The following CCDC125 variants were observed in gnomAD, a reference collection of about 807,000 sequenced individuals.
CCDC125 encodes the protein coiled-coil domain-containing protein 125.
CCDC125 carries 43 observed loss-of-function variants against 57.4 expected under a neutral mutation model. The observed-to-expected ratio is 0.75, with a 90% CI of 0.59 to 0.97. The LOEUF (loss-of-function observed/expected upper bound fraction) is 0.97, where lower values mean the gene tolerates loss of function less well. Ranked by LOEUF, CCDC125 falls within the 50% of genes least tolerant of loss-of-function variation. The pLI, the probability that CCDC125 is intolerant of heterozygous loss-of-function variation, is 0.00. For missense variants in CCDC125, 563 were observed against 595.7 expected (o/e 0.95, Z 0.57); for synonymous variants, 187 against 195.2 (o/e 0.96, Z 0.35).
At chr5:69,312,968 C>T (rs1758402037) in intron 3 of CCDC125, among the ~76,000 whole-genome samples, 1 of 152,024 alleles carries the variant, frequency 6.6e-6, no homozygotes, top group Non-Finnish European at 1.5e-5. Context: ...ATCTCCACAA[C>T]ATTCCATTTA....
At chr5:69,292,501 T>G (rs996926802) in intron 9 of CCDC125, 139 bp from the exon 10 acceptor site, 1 of 637,466 alleles carries the variant, frequency 1.6e-6, no homozygotes, top group Non-Finnish European at 2.7e-6. Flanking sequence ...TTTATCTGAT[T>G]ACGCTAATTA....
At chr5:69,297,563 G>T (rs899000122) in intron 8 of CCDC125, among the ~76,000 whole-genome samples, 2 of 151,762 alleles carry the variant, frequency 1.3e-5, no homozygotes, top group Non-Finnish European at 2.9e-5. Flanking sequence ...TCTCCGTGTT[G>T]GTCAGGCTGG....
At chr5:69,292,138 CA>C in intron 10 of CCDC125, 49 bp downstream of exon 10, 1 of 1,487,684 alleles carries the variant, frequency 6.7e-7, no homozygotes. Flanking sequence ...GGATTATAAA[CA>C]AAACAACTAA....
intron 7 of CCDC125, among the ~76,000 whole-genome samples, chr5:69,301,316 A>G (rs1014391123): frequency 3.3e-5 from 5 of 152,016 alleles, no homozygotes; most frequent in Non-Finnish European, 7.4e-5. Context: ...AATTTCTGCT[A>G]AGAAGGAAGA....
chr5:69,277,079 T>C, downstream of CCDC125: 1 of 1,576,444 alleles, frequency 6.3e-7, no homozygotes, highest in Non-Finnish European at 8.6e-7. Flanking sequence ...GAACAACTTT[T>C]TTTTTTCTTG....
At chr5:69,302,354 G>C (rs1430394436) in intron 7 of CCDC125, among the ~76,000 whole-genome samples, 1 of 135,084 alleles carries the variant, frequency 7.4e-6, no homozygotes, top group Non-Finnish European at 1.5e-5. Context: ...CTGGGAGGTG[G>C]AGGTTGCAGT....
chr5:69,328,040 GCACCTGC>G (rs1357703471), intron 1 of CCDC125, among the ~76,000 whole-genome samples: 1 of 152,084 alleles, frequency 6.6e-6, no homozygotes, highest in Non-Finnish European at 1.5e-5. Flanking sequence ...GGCATTATAG[GCACCTGC>G]CACCATGCCC....
At chr5:69,313,904 G>T in intron 3 of CCDC125, 81 bp downstream of exon 3, 1 of 1,012,334 alleles carries the variant, frequency 9.9e-7, no homozygotes, top group Non-Finnish European at 1.6e-6. Context: ...AGGGCATGGA[G>T]AGCTGCAGAA....
At position 69,306,900 on chromosome 5, in the gene CCDC125, T is replaced by C. The variant is rs111665928; in HGVS notation, c.534A>G (p.Glu178=). The C allele has an allele frequency of 2.3e-5, 34 of 1,504,158 alleles. 2 individuals carry two copies. In the African/African-American group the frequency reaches 3.0e-4, roughly 13 times the overall value. 93.2% of individuals were successfully genotyped at this position (1,504,158 alleles called of 1,614,324 possible). The change falls in exon 6 of 12, where the codon GAA becomes GAG. Residue 178 remains glutamate, a splice_region_variant and synonymous_variant. Coordinates refer to ENST00000396496, the MANE Select transcript of CCDC125 (RefSeq NM_176816.5). ...TMEQNRSLEK[E]INALQWEIEF... ...CTATTTCCCACTGCAAGGCATTTAT[T>C]TCCTATGGAAAGAAAATAGTACCTT...
chr5:69,327,094 CTT>C lies in CCDC125; in HGVS notation c.-41+5553_-41+5554del, dbSNP rs34614722. On this transcript the variant is annotated intron_variant, in intron 1 of 11. Transcript: ENST00000396496. ...GGACTGCTGACTGTATATTCTCCCACTTTTTTTTTTTTTTTTTTGAGACAGCG... is the reference window on the plus strand; with the variant it reads ...GGACTGCTGACTGTATATTCTCCCACTTTTTTTTTTTTTTTTGAGACAGCG... Among the ~76,000 whole-genome samples the C allele has an allele frequency of 6.9e-3, 947 of 136,946 alleles. 8 individuals carry two copies. The highest frequency in any genetic ancestry group is 0.024 in the African/African-American group (849 of 34,938). 89.8% of individuals were successfully genotyped at this position (136,946 alleles called of 152,430 possible).
chr5:69,321,114 A>G (rs929851996), intron 1 of CCDC125, among the ~76,000 whole-genome samples: 1 of 152,228 alleles, frequency 6.6e-6, no homozygotes, highest in African/African-American at 2.4e-5. Flanking sequence ...TACATTGCAC[A>G]GCATGGTGAA....
downstream of CCDC125, among the ~76,000 whole-genome samples, chr5:69,275,716 G>A (rs936305029): frequency 2.0e-5 from 3 of 152,192 alleles, no homozygotes; most frequent in African/African-American, 7.2e-5. Flanking sequence ...GCTCACGCCT[G>A]TAATCCTAGC....
chr5:69,299,115 T>C (rs1364110056), intron 8 of CCDC125, among the ~76,000 whole-genome samples: 3 of 149,640 alleles, frequency 2.0e-5, no homozygotes, highest in South Asian at 2.1e-4. Context: ...TTCTTTCTTT[T>C]TTTTTTTTTT....
intron 2 of CCDC125, among the ~76,000 whole-genome samples, 160 bp downstream of exon 2, chr5:69,320,077 C>T (rs749875953): frequency 7.9e-5 from 12 of 151,954 alleles, no homozygotes; most frequent in Non-Finnish European, 1.8e-4. Flanking sequence ...GCCGAGATCG[C>T]GTGCCACTGC....
chr5:69,304,773 A>G (rs927848817), intron 6 of CCDC125, among the ~76,000 whole-genome samples: 29 of 152,296 alleles, frequency 1.9e-4, no homozygotes, highest in African/African-American at 6.0e-4. Flanking sequence ...AGAACCAGAA[A>G]TATTTTTAAA....
chr5:69,308,127 G>C (rs1757626345), intron 4 of CCDC125, 99 bp from the exon 5 acceptor site: 5 of 843,804 alleles, frequency 5.9e-6, no homozygotes, highest in Non-Finnish European at 9.8e-6. Context: ...GGAAAATTAA[G>C]ATGAATTGAC....
chr5:69,278,435 G>A (rs892499599), downstream of CCDC125, among the ~76,000 whole-genome samples: 14 of 149,842 alleles, frequency 9.3e-5, no homozygotes, highest in African/African-American at 1.5e-4. Flanking sequence ...GGCTGGTCTC[G>A]AACTCCTGAC....
At chr5:69,303,340 G>A (rs1376868509) in intron 7 of CCDC125, among the ~76,000 whole-genome samples, 1 of 149,572 alleles carries the variant, frequency 6.7e-6, no homozygotes, top group African/African-American at 2.5e-5. Context: ...ATGAGTCACT[G>A]TGCCTGGCAA....
the CCDC125 span, among the ~76,000 whole-genome samples, chr5:69,273,475 G>A: frequency 6.6e-6 from 1 of 152,142 alleles, no homozygotes; most frequent in Non-Finnish European, 1.5e-5. Context: ...ATCCAGGTAT[G>A]CATGCTGATC....
Sources: gnomAD v4.1 joint callset for allele counts (sites outside exome capture counted in the v4.1 genomes callset) on GRCh38, gnomAD v4.1.1 for gene constraint, MANE v1.5 for transcripts, NCBI Gene and HGNC (gene_info 2026-07-23, HGNC 2026-07-21) for gene names.